The following PCDH9 variants were observed in gnomAD, a reference collection of about 807,000 sequenced individuals.
PCDH9 encodes the protein protocadherin 9.
Under a neutral mutation model 70.6 loss-of-function variants are expected in PCDH9, and 24 were observed. That is an observed-to-expected ratio of 0.34 (90% CI 0.25 to 0.48). The LOEUF is 0.48. Among genes scored for constraint, PCDH9 ranks in the 20% least tolerant of loss-of-function variants. PCDH9 has a pLI of 0.99. For missense variants in PCDH9, 1,281 were observed against 1,503.6 expected (o/e 0.85, Z 2.45); for synonymous variants, 562 against 558.5 (o/e 1.01, Z -0.09).
intron 4 of PCDH9, among the ~76,000 whole-genome samples, chr13:66,549,676 T>A (rs1370950457): frequency 1.3e-5 from 2 of 152,144 alleles, no homozygotes; most frequent in Admixed American, 1.3e-4. Flanking sequence ...ATATTAGGTA[T>A]ATCTTCGGAG....
At chr13:67,170,458 G>A (rs1034623975) in intron 2 of PCDH9, among the ~76,000 whole-genome samples, 18 of 152,110 alleles carry the variant, frequency 1.2e-4, no homozygotes, top group African/African-American at 4.1e-4. Context: ...AAGGAGAATG[G>A]CTGCCTCAAA....
chr13:67,166,806 C>A (rs998935900), intron 2 of PCDH9, among the ~76,000 whole-genome samples: 4 of 152,042 alleles, frequency 2.6e-5, no homozygotes, highest in African/African-American at 4.8e-5. Flanking sequence ...GGGCATTGTA[C>A]CTGCGTTTGT....
intron 2 of PCDH9, among the ~76,000 whole-genome samples, chr13:66,968,337 T>C (rs181685555): frequency 6.6e-6 from 1 of 152,088 alleles, no homozygotes; most frequent in Non-Finnish European, 1.5e-5. Flanking sequence ...ACTATGGGAA[T>C]TACCCCCATG....
intron 3 of PCDH9, among the ~76,000 whole-genome samples, chr13:66,779,849 C>CTCTCTCTCTCTATATA (rs1395244975): frequency 6.6e-4 from 52 of 78,898 alleles, no homozygotes; most frequent in African/African-American, 2.6e-3. Flanking sequence ...CTCTCTCTCT[C>CTCTCTCTCTCTATATA]TATATATATA....
At chr13:66,956,655 G>A (rs2083269620) in intron 2 of PCDH9, among the ~76,000 whole-genome samples, 1 of 152,108 alleles carries the variant, frequency 6.6e-6, no homozygotes, top group Admixed American at 6.5e-5. Context: ...ACAGGCTGAG[G>A]TATGAGATCA....
chr13:66,796,722 T>A (rs2080247830), intron 3 of PCDH9, among the ~76,000 whole-genome samples: 1 of 152,168 alleles, frequency 6.6e-6, no homozygotes, highest in African/African-American at 2.4e-5. Context: ...AATAAAATAG[T>A]TCTTGCCTTC....
intron 4 of PCDH9, among the ~76,000 whole-genome samples, chr13:66,423,312 A>G (rs565370729): frequency 3.5e-4 from 53 of 151,828 alleles, no homozygotes; most frequent in Non-Finnish European, 6.6e-4. Context: ...CTCCTCCCTA[A>G]CTCATTTTAT....
intron 2 of PCDH9, among the ~76,000 whole-genome samples, chr13:67,034,928 A>G (rs974456209): frequency 6.7e-5 from 10 of 149,560 alleles, no homozygotes; most frequent in Non-Finnish European, 3.0e-5. Flanking sequence ...CATGCCTATG[A>G]AAAAAAAAAG....
intron 3 of PCDH9, among the ~76,000 whole-genome samples, chr13:66,687,738 A>T (rs879332830): frequency 6.6e-6 from 1 of 152,100 alleles, no homozygotes; most frequent in Non-Finnish European, 1.5e-5. Context: ...ATTCCCATCC[A>T]TATCTACTGA....
chr13:66,600,592 T>C (rs939596738), intron 4 of PCDH9, among the ~76,000 whole-genome samples: 5 of 151,894 alleles, frequency 3.3e-5, no homozygotes, highest in Non-Finnish European at 5.9e-5. Flanking sequence ...GTCTGTTGCA[T>C]ATCCTGCACA....
chr13:67,084,983 AAAAAAAAAAAAAAAATATATATATAT>A lies in PCDH9; in HGVS notation c.3036+140396_3036+140421del, dbSNP rs1429290537. On this transcript the variant is annotated intron_variant, in intron 2 of 4. Transcript: ENST00000377865. ...TGCTGTCTCAAAAAAAAAAAAAAAA[AAAAAAAAAAAAAAAATATATATATAT>A]ATATATATATATATGTATATGTTGC... Among the ~76,000 whole-genome samples the A allele has an allele frequency of 8.1e-4, 58 of 71,666 alleles. 1 individual carries two copies. The South Asian group carries it at 0.029, about 35-fold the overall frequency. The allele number at this position is 71,666 out of a possible 152,430, so 47.0% of individuals were successfully genotyped here. A position where few individuals can be genotyped will look rare whatever the true frequency, so the allele number is the denominator to read the frequency against.
intron 2 of PCDH9, among the ~76,000 whole-genome samples, chr13:67,018,939 C>T (rs2084619396): frequency 6.6e-6 from 1 of 152,060 alleles, no homozygotes; most frequent in Non-Finnish European, 1.5e-5. Context: ...TTCACAAATA[C>T]CCAATCTTGT....
intron 4 of PCDH9, among the ~76,000 whole-genome samples, chr13:66,514,199 TAATC>T (rs1039509383): frequency 1.3e-5 from 2 of 152,106 alleles, no homozygotes; most frequent in African/African-American, 4.8e-5. Context: ...ACTGTATACT[TAATC>T]AAAGTTCCTA....
chr13:66,556,625 C>G (rs1172885176), intron 4 of PCDH9, among the ~76,000 whole-genome samples: 2 of 152,186 alleles, frequency 1.3e-5, no homozygotes, highest in East Asian at 3.9e-4. Flanking sequence ...AATATGCTGA[C>G]CATGTTGTAC....
chr13:66,785,761 C>T (rs1037609676), intron 3 of PCDH9, among the ~76,000 whole-genome samples: 3 of 151,844 alleles, frequency 2.0e-5, no homozygotes, highest in African/African-American at 7.2e-5. Context: ...AATTGAGGAA[C>T]GTCACTGAGT....
At chr13:66,497,835 T>C (rs1210947521) in intron 4 of PCDH9, among the ~76,000 whole-genome samples, 1 of 148,132 alleles carries the variant, frequency 6.8e-6, no homozygotes, top group African/African-American at 2.5e-5. Context: ...TTTTTTTTTT[T>C]TGAGATGGAT....
chr13:67,194,401 T>C (rs2089003638), intron 2 of PCDH9, among the ~76,000 whole-genome samples: 1 of 151,840 alleles, frequency 6.6e-6, no homozygotes, highest in African/African-American at 2.4e-5. Flanking sequence ...TCCAGAGGTA[T>C]AATGACTCTT....
At chr13:66,957,720 C>T (rs1339274519) in intron 2 of PCDH9, among the ~76,000 whole-genome samples, 1 of 152,088 alleles carries the variant, frequency 6.6e-6, no homozygotes, top group Admixed American at 6.5e-5. Flanking sequence ...TCTCTCTCTG[C>T]CATGTGGAGA....
chr13:66,756,369 C>T (rs936642525), intron 3 of PCDH9, among the ~76,000 whole-genome samples: 16 of 152,104 alleles, frequency 1.1e-4, no homozygotes, highest in African/African-American at 3.6e-4. Context: ...GCATAGAAGA[C>T]TATCAAGTCT....
Sources: gnomAD v4.1 joint callset for allele counts (sites outside exome capture counted in the v4.1 genomes callset) on GRCh38, gnomAD v4.1.1 for gene constraint, MANE v1.5 for transcripts, NCBI Gene and HGNC (gene_info 2026-07-23, HGNC 2026-07-21) for gene names.